The following EPG5 variants were observed in gnomAD, a reference collection of about 807,000 sequenced individuals.
EPG5 encodes ectopic P granules protein 5 homolog.
In EPG5, 159 loss-of-function variants were observed where a neutral mutation model predicts 302.7. The observed-to-expected ratio is 0.53, with a 90% CI of 0.46 to 0.60. The LOEUF is 0.60. Ranked by LOEUF, EPG5 falls within the 20% of genes least tolerant of loss-of-function variation. The probability of loss-of-function intolerance (pLI) is 0.00; values close to 1 mark genes in which losing one functional copy is unlikely to be tolerated. For synonymous variants in EPG5, 1,158 were observed against 1,136.8 expected, an observed-to-expected ratio of 1.02 and a Z score of -0.37; for missense variants, 2,896 against 3,092.4, an observed-to-expected ratio of 0.94 and a Z score of 1.51.
chr18:45,913,475 G>A (rs564406437), intron 21 of EPG5, among the ~76,000 whole-genome samples: 2 of 152,266 alleles, frequency 1.3e-5, no homozygotes, highest in South Asian at 2.1e-4. Flanking sequence ...GACAACACCC[G>A]TCACATGTGC....
intron 24 of EPG5, among the ~76,000 whole-genome samples, chr18:45,905,186 G>C (rs1287117790): frequency 6.6e-6 from 1 of 152,078 alleles, no homozygotes; most frequent in Non-Finnish European, 1.5e-5. Context: ...CTTTAGAATG[G>C]GGGACTGCCT....
intron 1 of EPG5, among the ~76,000 whole-genome samples, chr18:45,959,054 T>A (rs2051090914): frequency 6.6e-6 from 1 of 152,212 alleles, no homozygotes; most frequent in Non-Finnish European, 1.5e-5. Flanking sequence ...GGAGACTGAT[T>A]TGAGTAATAA....
At chr18:45,906,774 C>T (rs2049761484) in intron 24 of EPG5, among the ~76,000 whole-genome samples, 1 of 152,128 alleles carries the variant, frequency 6.6e-6, no homozygotes, top group African/African-American at 2.4e-5. Context: ...CCTGCCTCAG[C>T]CTCCTGAGTC....
the EPG5 span, among the ~76,000 whole-genome samples, chr18:45,828,222 C>G: frequency 6.6e-6 from 1 of 152,216 alleles, no homozygotes; most frequent in Non-Finnish European, 1.5e-5. Flanking sequence ...GTCGTGGTCC[C>G]TTCCCTAGCC....
the EPG5 span, chr18:45,842,023 T>G: frequency 7.9e-7 from 1 of 1,264,494 alleles, no homozygotes; most frequent in Non-Finnish European, 1.2e-6. Context: ...TCTCCTCTTC[T>G]TGGCCCACTG....
intron 3 of EPG5, 112 bp downstream of exon 3, chr18:45,952,288 C>A (rs2050925662): frequency 3.0e-6 from 4 of 1,330,880 alleles, no homozygotes; most frequent in Non-Finnish European, 4.1e-6. Context: ...AAACTGCAAG[C>A]ACAAATGGTA....
At chr18:45,885,112 G>A (rs2049189352) in intron 29 of EPG5, among the ~76,000 whole-genome samples, 1 of 152,172 alleles carries the variant, frequency 6.6e-6, no homozygotes. Flanking sequence ...GCCGAGGCAG[G>A]CGGATCACCT....
Position 45,961,290 on chromosome 18 carries a change from C to T in EPG5, c.63+5887G>A, listed in dbSNP as rs114810638. On this transcript the variant is annotated intron_variant, in intron 1 of 43. Transcript: ENST00000282041. The stretch of plus-strand genomic sequence containing the variant: ...ATCATGTCACTCCTCTGCTCAAAAC[C>T]CTGTGTTGATTCCATATGTCACTCA... 7.0e-3 allele frequency among the ~76,000 whole-genome samples: 1,060 copies of T among 152,312 alleles called. 9 individuals carry two copies. The highest frequency in any genetic ancestry group is 0.024 in the African/African-American group (996 of 41,572).
Position 45,866,975 on chromosome 18 carries a change from T to C in EPG5, c.6444A>G (p.Thr2148=). Residue 2148 remains threonine, a synonymous_variant, in exon 38 of 44, where the codon ACA becomes ACG. Transcript: ENST00000282041. ...CCACAAGATGCCATGAAAGTGAGCT[T>C]GTCTGTCCAAGGAGACTAAGTAAAG... is the stretch of plus-strand genomic sequence containing the variant. ...DSPLLSLLGQ[T]SSLSWHLVDI... The C allele has an allele frequency of 6.2e-7, 1 of 1,614,172 alleles. No individual in the cohort carries two copies. The highest frequency in any genetic ancestry group is 2.2e-5 in the East Asian group (1 of 44,884).
rs1455631275 is a variant in EPG5, at chr18:45,943,179, C to T, written c.1925G>A (p.Arg642Gln). The change falls in exon 9 of 44, where the codon CGA (arginine) becomes CAA (glutamine). Residue 642 changes from arginine to glutamine, a missense_variant. Arg to Gln is a conservative substitution (Grantham distance 43). Around this residue, in one of 5 missense-constraint regions of EPG5, gnomAD observed 1,390 missense variants for 1,430.0 expected, o/e 0.97. Transcript: ENST00000282041. The part of the protein sequence containing the change: ...NRARYRQFVK[R>Q]IGYMIRMTLG... ...GTATTACCTGATCATATAACCAATTCGCTTCACAAACTGCCTATAGCGTGC... is the reference window on the plus strand; with the variant it reads ...GTATTACCTGATCATATAACCAATTTGCTTCACAAACTGCCTATAGCGTGC... 9 of 1,613,944 alleles carry T rather than the reference C, an allele frequency of 5.6e-6. No individual in the cohort carries two copies. The East Asian group carries it at 8.9e-5, about 16-fold the overall frequency.
intron 6 of EPG5, among the ~76,000 whole-genome samples, chr18:45,947,200 G>A (rs2050801804): frequency 1.3e-5 from 2 of 152,272 alleles, no homozygotes; most frequent in South Asian, 4.1e-4. Context: ...GGATCATGAG[G>A]TCAAGAGATC....
chr18:45,926,016 GT>G (rs1316775862), intron 13 of EPG5, 114 bp from the exon 14 acceptor site: 1 of 634,646 alleles, frequency 1.6e-6, no homozygotes, highest in Admixed American at 4.4e-5. Context: ...AGGAACTGGA[GT>G]TTTTGTTTAA....
At chr18:45,838,862 C>T in the EPG5 span, 1 of 1,581,874 alleles carries the variant, frequency 6.3e-7, no homozygotes, top group African/African-American at 1.3e-5. Flanking sequence ...GTGCGGAGCC[C>T]GCGTGAGGGT....
At chr18:45,813,823 T>A in the EPG5 span, among the ~76,000 whole-genome samples, 1 of 151,812 alleles carries the variant, frequency 6.6e-6, no homozygotes, top group East Asian at 1.9e-4. Context: ...AAATGACGAG[T>A]TAATGGGTGC....
rs1568165144 is a variant in EPG5, at chr18:45,930,722, T to C, written c.2366A>G (p.Asn789Ser). Reference sequence around the variant, plus strand: ...AATTTTTATGAAGTCTTCGTCCACATTGGTTCTTCTGGCCTGAGCCATCTG... The same window carrying C: ...AATTTTTATGAAGTCTTCGTCCACACTGGTTCTTCTGGCCTGAGCCATCTG... The part of the protein sequence containing the change: ...FAQMAQARRT[N>S]VDEDFIKIIV... Residue 789 changes from asparagine to serine, a missense_variant, in exon 12 of 44, where the codon AAT becomes AGT. Physicochemically the swap from Asn to Ser is conservative, Grantham distance 46. Transcript: ENST00000282041. 2 of 1,607,854 alleles carry C rather than the reference T, an allele frequency of 1.2e-6. No individual in the cohort carries two copies. The highest frequency in any genetic ancestry group is 2.2e-5 in the East Asian group (1 of 44,534).
At position 45,934,890 on chromosome 18, in the gene EPG5, G is replaced by A. The variant is rs779316506; in HGVS notation, c.2176C>T (p.Leu726Phe). Residue 726 changes from leucine to phenylalanine, a missense_variant, in exon 11 of 44, where the codon CTC (leucine) becomes TTC (phenylalanine). Around this residue, in one of 5 missense-constraint regions of EPG5, gnomAD observed 1,390 missense variants for 1,430.0 expected, o/e 0.97. Coordinates refer to ENST00000282041, the MANE Select transcript of EPG5 (RefSeq NM_020964.3). Reference protein sequence around the residue: ...SVQMLWKLFYLMHQVESENLQ... With the variant: ...SVQMLWKLFYFMHQVESENLQ... ...TTCTCGCTCTCCACCTGGTGCATGA[G>A]GTAGAAGAGCTTCCACAGCATTTGC... 78 of 1,614,146 alleles carry A rather than the reference G, an allele frequency of 4.8e-5. No homozygotes were observed. Among genetic ancestry groups the A allele is most frequent in the Non-Finnish European group, 6.4e-5 (76 of 1,180,026 alleles).
chr18:45,964,516 T>C (rs964750527), intron 1 of EPG5, among the ~76,000 whole-genome samples: 7 of 152,226 alleles, frequency 4.6e-5, no homozygotes, highest in African/African-American at 1.7e-4. Context: ...GAATTTTTTT[T>C]TTTCTTCACT....
intron 26 of EPG5, among the ~76,000 whole-genome samples, chr18:45,900,076 C>A (rs551365223): frequency 6.6e-6 from 1 of 152,160 alleles, no homozygotes; most frequent in African/African-American, 2.4e-5. Flanking sequence ...AATGCCTGGA[C>A]CAAAAACAGA....
downstream of EPG5, chr18:45,843,080 C>T (rs370912782): frequency 6.6e-6 from 1 of 152,366 alleles, no homozygotes; most frequent in African/African-American, 2.4e-5. Flanking sequence ...AACCAGGCTC[C>T]CCTCTCTCAA....
Sources: allele counts gnomAD v4.1 joint callset (sites outside exome capture counted in the v4.1 genomes callset), GRCh38; gene constraint gnomAD v4.1.1; regional missense constraint gnomAD v4.1.1; transcripts MANE v1.5; gene names NCBI Gene and HGNC (gene_info 2026-07-23, HGNC 2026-07-21).